LIMA1: variants seen among roughly 807,000 people sequenced by gnomAD.
LIMA1 encodes the protein LIM domain and actin-binding protein 1.
A neutral mutation model predicts 62.6 loss-of-function variants in LIMA1; 52 were observed. The observed-to-expected ratio is 0.83, with a 90% CI of 0.67 to 1.05. LIMA1 has a LOEUF of 1.05. Among genes scored for constraint, LIMA1 ranks in the 50% least tolerant of loss-of-function variants. LIMA1 has a pLI of 0.00. For missense variants in LIMA1, 780 were observed against 902.2 expected, an observed-to-expected ratio of 0.86 and a Z score of 1.74; for synonymous variants, 302 against 317.8, an observed-to-expected ratio of 0.95 and a Z score of 0.53.
intron 4 of LIMA1, among the ~76,000 whole-genome samples, chr12:50,213,541 ACTT>A (rs1941293689): frequency 6.6e-6 from 1 of 152,262 alleles, no homozygotes; most frequent in African/African-American, 2.4e-5. Flanking sequence ...GGATTAAATA[ACTT>A]CTTAAACTCT....
intron 1 of LIMA1, among the ~76,000 whole-genome samples, chr12:50,257,574 G>C (rs544399049): frequency 6.6e-6 from 1 of 152,172 alleles, no homozygotes; most frequent in Non-Finnish European, 1.5e-5. Flanking sequence ...CTGACCAATC[G>C]TTACCTCCTC....
At chr12:50,246,163 C>T (rs1375711934) in intron 2 of LIMA1, among the ~76,000 whole-genome samples, 1 of 144,646 alleles carries the variant, frequency 6.9e-6, no homozygotes, top group Admixed American at 7.3e-5. Context: ...ACCCAGGAGG[C>T]GGAGGTTGCA....
chr12:50,245,135 T>C (rs1203937494), intron 2 of LIMA1, among the ~76,000 whole-genome samples: 2 of 151,912 alleles, frequency 1.3e-5, no homozygotes, highest in East Asian at 1.9e-4. Context: ...TGAGTCCAGG[T>C]TGGGCACAGT....
At chr12:50,184,643 AAAC>A (rs373684249) in intron 9 of LIMA1, among the ~76,000 whole-genome samples, 78 of 152,324 alleles carry the variant, frequency 5.1e-4, no homozygotes, top group Middle Eastern at 3.4e-3. Flanking sequence ...CTCTGTCTCA[AAAC>A]AACAACAACA....
chr12:50,208,774 G>A (rs1941200240), intron 4 of LIMA1, among the ~76,000 whole-genome samples: 1 of 151,754 alleles, frequency 6.6e-6, no homozygotes, highest in South Asian at 2.1e-4. Context: ...TTGGGAGGCT[G>A]AGCCAGGAGG....
chr12:50,231,528 G>T, intron 3 of LIMA1, 137 bp downstream of exon 3: 1 of 794,726 alleles, frequency 1.3e-6, no homozygotes, highest in Non-Finnish European at 2.2e-6. Flanking sequence ...CTGAGCAAAT[G>T]GCTCAGAGAT....
intron 8 of LIMA1, among the ~76,000 whole-genome samples, chr12:50,195,453 T>C (rs1001169588): frequency 6.6e-6 from 1 of 152,150 alleles, no homozygotes; most frequent in African/African-American, 2.4e-5. Flanking sequence ...CAAATACTTA[T>C]TCACTAAAGA....
chr12:50,182,150 C>G, intron 9 of LIMA1, 113 bp from the exon 10 acceptor site: 1 of 1,156,270 alleles, frequency 8.6e-7, no homozygotes, highest in South Asian at 1.5e-5. Flanking sequence ...TCAGTCAATT[C>G]TCATGGAGCA....
intron 6 of LIMA1, 181 bp downstream of exon 6, chr12:50,204,370 GT>G (rs1941112070): frequency 1.7e-6 from 1 of 603,504 alleles, no homozygotes; most frequent in Admixed American, 3.5e-5. Flanking sequence ...AGAAAGCAAA[GT>G]CAGGATTAGA....
chr12:50,217,905 C>CTTTT (rs34408114), intron 4 of LIMA1: 17 of 124,820 alleles, frequency 1.4e-4, no homozygotes, highest in South Asian at 2.3e-4. Context: ...AATTTCTTTT[C>CTTTT]TTTTTTTTTT....
chr12:50,263,859 A>AGAGAG lies in LIMA1; in HGVS notation c.-23-15086_-23-15085insCTCTC, dbSNP rs1565863068. Among the ~76,000 whole-genome samples, 235 of 74,900 alleles carry AGAGAG rather than the reference A, an allele frequency of 3.1e-3. 3 individuals carry two copies. The East Asian group carries it at 0.036, about 12-fold the overall frequency. The allele number at this position is 74,900 out of a possible 152,430, so 49.1% of individuals were successfully genotyped here. ...GTATATATATATATATATAGAGAGTATATATATATATATATATAAAGTATA... is the reference window on the plus strand; with the variant it reads ...GTATATATATATATATATAGAGAGTAGAGAGTATATATATATATATATAAAGTATA... On this transcript the variant is annotated intron_variant, in intron 1 of 10. Transcript: ENST00000341247.
intron 1 of LIMA1, among the ~76,000 whole-genome samples, chr12:50,270,730 C>T (rs145161116): frequency 7.9e-5 from 12 of 152,008 alleles, no homozygotes; most frequent in African/African-American, 2.9e-4. Flanking sequence ...TTATGAACCC[C>T]AAATTAGTTT....
At chr12:50,270,352 ACT>A (rs1942193144) in intron 1 of LIMA1, among the ~76,000 whole-genome samples, 1 of 151,622 alleles carries the variant, frequency 6.6e-6, no homozygotes, top group African/African-American at 2.4e-5. Context: ...TAATCCCAGC[ACT>A]CTGGGAGACC....
chr12:50,231,965 AC>A (rs1312711725), intron 2 of LIMA1, among the ~76,000 whole-genome samples: 2 of 147,630 alleles, frequency 1.4e-5, no homozygotes, highest in Admixed American at 6.8e-5. Context: ...ATGGGGTTTT[AC>A]CATGTTGGCC....
intron 3 of LIMA1, among the ~76,000 whole-genome samples, chr12:50,229,140 T>A (rs1941573003): frequency 6.6e-6 from 1 of 152,218 alleles, no homozygotes; most frequent in Non-Finnish European, 1.5e-5. Flanking sequence ...CCTAAATCAT[T>A]ATAATTGTCT....
In LIMA1 at chr12:50,192,485, A is replaced by C; in HGVS notation, c.1107T>G (p.Ser369Arg). The change falls in exon 9 of 11, where the codon AGT becomes AGG. Residue 369 changes from serine to arginine, a missense_variant. By Grantham distance (110) the Ser-to-Arg change is moderately radical. Transcript: ENST00000341247. The part of the protein sequence containing the change: ...KPLSPDSRAS[S>R]LSESSPPKAM... ...CTTTGGGAGGAGAACTTTCAGAAAG[A>C]CTGGAGGCTCTGGAATCTGGACTTA... The C allele has an allele frequency of 6.2e-7, 1 of 1,613,986 alleles. No homozygotes were observed. Among genetic ancestry groups the C allele is most frequent in the Non-Finnish European group, 8.5e-7 (1 of 1,179,864 alleles).
At chr12:50,231,860 C>T (rs1438549340) in intron 2 of LIMA1, 150 bp from the exon 3 acceptor site, 12 of 683,732 alleles carry the variant, frequency 1.8e-5, no homozygotes, top group African/African-American at 5.4e-5. Flanking sequence ...TTCTACCTCC[C>T]GGGTTCGAGT....
chr12:50,247,604 A>AATTATTATTAGTATTATT lies in LIMA1; in HGVS notation c.119+1028_119+1029insAATAATACTAATAATAAT, dbSNP rs1555209669. ...GCTTCAAAAGCAAAATAAATGCTGG[A>AATTATTATTAGTATTATT]ATTATTATTATTATTATTATTATTA... On this transcript the variant is annotated intron_variant, in intron 2 of 10. Transcript: ENST00000341247. Among the ~76,000 whole-genome samples, 5 of 140,620 alleles carry AATTATTATTAGTATTATT rather than the reference A, an allele frequency of 3.6e-5. No homozygotes were observed. The East Asian group carries it at 1.0e-3, about 29-fold the overall frequency. The allele number at this position is 140,620 out of a possible 152,430, so 92.3% of individuals were successfully genotyped here. A position where few individuals can be genotyped will look rare whatever the true frequency, so the allele number is the denominator to read the frequency against.
chr12:50,255,252 C>G lies in LIMA1; in HGVS notation c.-23-6478G>C, dbSNP rs533507782. Among the ~76,000 whole-genome samples, 5 of 151,606 alleles carry G rather than the reference C, an allele frequency of 3.3e-5. No individual in the cohort carries two copies. In the East Asian group the frequency reaches 9.8e-4, roughly 30 times the overall value. ...ATTAGAACAAAGTAAAAACTACAAACTCACTTATGAAGAAAAAATGGGCCA... is the reference window on the plus strand; with the variant it reads ...ATTAGAACAAAGTAAAAACTACAAAGTCACTTATGAAGAAAAAATGGGCCA... On this transcript the variant is annotated intron_variant, in intron 1 of 10. Transcript: ENST00000341247.
Sources: allele counts gnomAD v4.1 joint callset (sites outside exome capture counted in the v4.1 genomes callset), GRCh38; gene constraint gnomAD v4.1.1; transcripts MANE v1.5; gene names NCBI Gene and HGNC (gene_info 2026-07-23, HGNC 2026-07-21).